The following GRTP1 variants were observed in gnomAD, a reference collection of about 807,000 sequenced individuals.
The protein encoded by GRTP1 is growth hormone regulated TBC protein 1.
GRTP1 carries 56 observed loss-of-function variants against 38.1 expected under a neutral mutation model. The observed-to-expected ratio is 1.47, with a 90% CI of 1.19 to 1.84. The LOEUF is 1.84. Among genes scored for constraint, GRTP1 ranks in the 40% most tolerant of loss-of-function variants. GRTP1 has a pLI of 0.00. For synonymous variants in GRTP1, 217 were observed against 189.5 expected, an observed-to-expected ratio of 1.14 and a Z score of -1.19; for missense variants, 506 against 453.9, an observed-to-expected ratio of 1.11 and a Z score of -1.04.
intron 7 of GRTP1, 57 bp downstream of exon 7, chr13:113,325,604 C>G (rs2042748892): frequency 1.9e-6 from 3 of 1,613,106 alleles, no homozygotes; most frequent in Non-Finnish European, 1.7e-6. Flanking sequence ...AGCCCCCGGG[C>G]TGCAGGTGAG....
chr13:113,336,309 T>TTTTG (rs2042954184), intron 5 of GRTP1, among the ~76,000 whole-genome samples: 11 of 151,496 alleles, frequency 7.3e-5, no homozygotes, highest in Admixed American at 6.6e-4. Context: ...TTTTTTTTTT[T>TTTTG]TTTTTTAAGG....
At chr13:113,336,364 C>A (rs1017721905) in intron 5 of GRTP1, among the ~76,000 whole-genome samples, 1 of 150,406 alleles carries the variant, frequency 6.6e-6, no homozygotes, top group African/African-American at 2.5e-5. Flanking sequence ...AACAAACATG[C>A]AAAGGGTTCC....
intron 4 of GRTP1, among the ~76,000 whole-genome samples, chr13:113,350,504 CCTTCCA>C: frequency 6.7e-6 from 1 of 148,456 alleles, no homozygotes; most frequent in East Asian, 2.0e-4. Flanking sequence ...GGTGCACATG[CCTTCCA>C]GCATACACAC....
At position 113,348,035 on chromosome 13, in the gene GRTP1, A is replaced by C. The variant is rs1053133367; in HGVS notation, c.465+2814T>G. Among the ~76,000 whole-genome samples, 2 of 152,022 alleles carry C rather than the reference A, an allele frequency of 1.3e-5. No homozygotes were observed. The highest frequency in any genetic ancestry group is 2.9e-5 in the Non-Finnish European group (2 of 67,996). On this transcript the variant is annotated intron_variant, in intron 4 of 7. Coordinates refer to ENST00000375431, the MANE Select transcript of GRTP1 (RefSeq NM_024719.4). This position sits in a 1 kb window ranked among gnomAD's most constrained non-coding sequence, Gnocchi z 4.8. ...GGACCTGGGAGGACCTGTCTGGCCG[A>C]GTGGACCCGGGAGGATCTCCGTGGC...
At chr13:113,332,345 A>ACACACGTGCACACGCATGC (rs1381142557) in intron 5 of GRTP1, among the ~76,000 whole-genome samples, 1 of 97,202 alleles carries the variant, frequency 1.0e-5, no homozygotes, top group African/African-American at 4.9e-5. Flanking sequence ...CACGCACGCC[A>ACACACGTGCACACGCATGC]CACACAGGTA....
intron 2 of GRTP1, 22 bp downstream of exon 2, chr13:113,363,740 C>G (rs1454904928): frequency 1.3e-6 from 2 of 1,599,396 alleles, no homozygotes; most frequent in African/African-American, 2.7e-5. Flanking sequence ...CCTCGGGACC[C>G]ACCTGCGCCC....
intron 2 of GRTP1, among the ~76,000 whole-genome samples, chr13:113,357,483 C>A (rs1336353073): frequency 2.1e-5 from 3 of 145,364 alleles, no homozygotes; most frequent in Non-Finnish European, 4.5e-5. Flanking sequence ...AAGAAACCCT[C>A]TTTCTGGTTT....
At chr13:113,347,350 CCAAGAACAGA>C (rs2043167357) in intron 4 of GRTP1, among the ~76,000 whole-genome samples, 4 of 76,098 alleles carry the variant, frequency 5.3e-5, no homozygotes, top group Admixed American at 1.2e-4. Flanking sequence ...ACCTCTGTGG[CCAAGAACAGA>C]TCCGGGAGGA....
intron 3 of GRTP1, among the ~76,000 whole-genome samples, chr13:113,351,279 G>A (rs1013390703): frequency 2.0e-5 from 3 of 152,188 alleles, no homozygotes; most frequent in Non-Finnish European, 2.9e-5. Flanking sequence ...GTCTCCTCCC[G>A]GCCCCCAGCA....
intron 5 of GRTP1, among the ~76,000 whole-genome samples, chr13:113,334,280 A>ACTGCCCCCCCCCCCCCCCCCCCCCCCG (rs1202504022): frequency 7.0e-6 from 1 of 142,484 alleles, no homozygotes; most frequent in African/African-American, 2.5e-5. Flanking sequence ...CACTGCCACG[A>ACTGCCCCCCCCCCCCCCCCCCCCCCCG]CAGCCTCCCG....
At chr13:113,334,280 A>ACTGCCCCCCCCCCCCCCCCCCCCGCC (rs1202504022) in intron 5 of GRTP1, among the ~76,000 whole-genome samples, 19 of 142,516 alleles carry the variant, frequency 1.3e-4, no homozygotes, top group Admixed American at 2.9e-4. Flanking sequence ...CACTGCCACG[A>ACTGCCCCCCCCCCCCCCCCCCCCGCC]CAGCCTCCCG....
At chr13:113,326,760 A>G (rs2042780791) in intron 5 of GRTP1, among the ~76,000 whole-genome samples, 1 of 152,212 alleles carries the variant, frequency 6.6e-6, no homozygotes, top group African/African-American at 2.4e-5. Context: ...ACTATTTACA[A>G]CAGCCAAGAG....
chr13:113,333,838 AGTGTGTGTGTGT>A (rs1555314877), intron 5 of GRTP1, among the ~76,000 whole-genome samples: 1 of 23,546 alleles, frequency 4.2e-5, no homozygotes, highest in Non-Finnish European at 1.8e-4. Context: ...TTATTTATTT[AGTGTGTGTGTGT>A]GTGTGTGTGT....
chr13:113,354,015 A>G (rs1183746471), intron 3 of GRTP1, among the ~76,000 whole-genome samples: 1 of 152,182 alleles, frequency 6.6e-6, no homozygotes, highest in Admixed American at 6.5e-5. Context: ...GGCTGAAGTG[A>G]GCTGTCACTG....
intron 5 of GRTP1, chr13:113,339,887 T>G (rs958295409): frequency 6.6e-6 from 1 of 152,262 alleles, no homozygotes; most frequent in Non-Finnish European, 1.5e-5. Flanking sequence ...GTTGCTAACA[T>G]TAATAATTAA....
chr13:113,361,211 A>T (rs1379422381), intron 2 of GRTP1, among the ~76,000 whole-genome samples: 2 of 5,368 alleles, frequency 3.7e-4, no homozygotes, highest in African/African-American at 8.3e-4. Flanking sequence ...GACCAATGCT[A>T]AAAAAAAAAA....
intron 4 of GRTP1, among the ~76,000 whole-genome samples, chr13:113,345,352 G>A (rs533187842): frequency 6.6e-6 from 1 of 152,202 alleles, no homozygotes; most frequent in Admixed American, 6.5e-5. Context: ...TTATAAAACC[G>A]TAAGGAACAT....
intron 5 of GRTP1, among the ~76,000 whole-genome samples, chr13:113,328,261 T>C (rs886087217): frequency 1.3e-5 from 2 of 152,208 alleles, no homozygotes; most frequent in Non-Finnish European, 2.9e-5. Flanking sequence ...GGACGGCACC[T>C]GCCTGGCCAG....
At chr13:113,352,888 T>C (rs530465888) in intron 3 of GRTP1, among the ~76,000 whole-genome samples, 1 of 152,268 alleles carries the variant, frequency 6.6e-6, no homozygotes, top group Non-Finnish European at 1.5e-5. Flanking sequence ...AGCCCCACAC[T>C]CTAGGTAGGA....
Sources: allele counts gnomAD v4.1 joint callset (sites outside exome capture counted in the v4.1 genomes callset), GRCh38; gene constraint gnomAD v4.1.1; non-coding constraint Gnocchi (gnomAD v3.1); transcripts MANE v1.5; gene names NCBI Gene and HGNC (gene_info 2026-07-23, HGNC 2026-07-21).